IQGAP2: variants seen among roughly 807,000 people sequenced by gnomAD.
IQGAP2 encodes IQ motif containing GTPase activating protein 2, also known as ras GTPase-activating-like protein IQGAP2.
A neutral mutation model predicts 201.3 loss-of-function variants in IQGAP2; 173 were observed. The observed-to-expected ratio is 0.86, with a 90% confidence interval of 0.76 to 0.98. IQGAP2 has a LOEUF of 0.98. IQGAP2 is among the 50% of genes least tolerant of loss of function. The pLI, the probability that IQGAP2 is intolerant of heterozygous loss-of-function variation, is 0.00. For synonymous variants in IQGAP2, 675 were observed against 673.9 expected (o/e 1.00, Z -0.03); for missense variants, 1,687 against 1,864.8 (o/e 0.90, Z 1.76).
intron 3 of IQGAP2, among the ~76,000 whole-genome samples, chr5:76,566,529 G>A (rs2150262507): frequency 6.6e-6 from 1 of 152,256 alleles, no homozygotes; most frequent in Non-Finnish European, 1.5e-5. Context: ...AGCCATGCAG[G>A]CCCCATGGAG....
intron 1 of IQGAP2, among the ~76,000 whole-genome samples, chr5:76,455,994 C>T (rs892027083): frequency 6.6e-6 from 1 of 152,180 alleles, no homozygotes; most frequent in Non-Finnish European, 1.5e-5. Context: ...GGAAGGCAGG[C>T]TTTCCATAAA....
At chr5:76,425,631 T>C (rs374296764) in intron 1 of IQGAP2, among the ~76,000 whole-genome samples, 2 of 151,932 alleles carry the variant, frequency 1.3e-5, no homozygotes, top group African/African-American at 4.8e-5. Flanking sequence ...GTAAGTATTA[T>C]AAGCAAAAGA....
intron 8 of IQGAP2, among the ~76,000 whole-genome samples, chr5:76,590,990 G>A (rs186779716): frequency 5.3e-5 from 8 of 152,208 alleles, no homozygotes; most frequent in Admixed American, 1.3e-4. Flanking sequence ...CCAACTACTC[G>A]GGAGGCTGAG....
intron 4 of IQGAP2, among the ~76,000 whole-genome samples, chr5:76,575,479 C>T (rs1745408184): frequency 6.6e-6 from 1 of 152,152 alleles, no homozygotes; most frequent in South Asian, 2.1e-4. Flanking sequence ...CCCCACCATC[C>T]TCCTGTGGAC....
intron 2 of IQGAP2, among the ~76,000 whole-genome samples, chr5:76,494,379 ATGT>A (rs1756749596): frequency 6.6e-6 from 1 of 152,216 alleles, no homozygotes; most frequent in Non-Finnish European, 1.5e-5. Flanking sequence ...GAGGATAAAA[ATGT>A]TGTAACCAGA....
intron 2 of IQGAP2, among the ~76,000 whole-genome samples, chr5:76,520,909 A>G (rs192374251): frequency 3.3e-3 from 505 of 151,480 alleles, no homozygotes; most frequent in African/African-American, 0.011. Context: ...AGGTTTCACC[A>G]TGCTGGCCAG....
intron 2 of IQGAP2, among the ~76,000 whole-genome samples, chr5:76,533,329 C>T (rs1580396762): frequency 1.3e-5 from 2 of 152,190 alleles, no homozygotes; most frequent in South Asian, 4.2e-4. Context: ...TACTCACCGA[C>T]GGGGTCTCAG....
intron 2 of IQGAP2, among the ~76,000 whole-genome samples, chr5:76,496,756 T>TCTTTCTTTCTTTCTTTCTTTC (rs1756975131): frequency 1.3e-5 from 1 of 75,862 alleles, no homozygotes. Flanking sequence ...TTTCTTTCTT[T>TCTTTCTTTCTTTCTTTCTTTC]CTTTCTTTCT....
At position 76,572,849 on chromosome 5, in the gene IQGAP2, C is replaced by G. The variant is rs199780737; in HGVS notation, c.381+2192C>G. 3.2e-4 allele frequency among the ~76,000 whole-genome samples: 49 copies of G among 152,296 alleles called. No individual in the cohort carries two copies. In the East Asian group the frequency reaches 9.5e-3, roughly 29 times the overall value. On this transcript the variant is annotated intron_variant, in intron 4 of 35. Transcript: ENST00000274364. ...TGCCAGGTGTGCAGTGAAAAACACC[C>G]ACTGCCACAGAAACAGAAGATTCTT...
At chr5:76,649,956 T>G (rs1752382702) in intron 17 of IQGAP2, among the ~76,000 whole-genome samples, 1 of 152,230 alleles carries the variant, frequency 6.6e-6, no homozygotes. Context: ...GGCTTACAGC[T>G]TGCACCCTCT....
intron 2 of IQGAP2, among the ~76,000 whole-genome samples, chr5:76,511,280 C>T (rs1270083276): frequency 6.6e-6 from 1 of 152,178 alleles, no homozygotes; most frequent in Non-Finnish European, 1.5e-5. Flanking sequence ...ATCCTTTTGC[C>T]TTGCCCTCAT....
At chr5:76,572,419 C>T (rs1406248681) in intron 4 of IQGAP2, among the ~76,000 whole-genome samples, 1 of 152,010 alleles carries the variant, frequency 6.6e-6, no homozygotes, top group Non-Finnish European at 1.5e-5. Context: ...CCACCTCAGC[C>T]TCCCAAAGTT....
In IQGAP2 at chr5:76,592,122, C is replaced by T. The variant is rs1401683179; in HGVS notation, c.820-716C>T. 2.0e-5 allele frequency among the ~76,000 whole-genome samples: 3 copies of T among 152,164 alleles called. No homozygotes were observed. The East Asian group carries it at 5.8e-4, about 29-fold the overall frequency. On this transcript the variant is annotated intron_variant, in intron 8 of 35. Coordinates refer to ENST00000274364, the MANE Select transcript of IQGAP2 (RefSeq NM_006633.5). Reference sequence around the variant, plus strand: ...CCTCCTGTTACTCTCTAAGCCAATCCCTCTTAAAGCTAGAGGTTACAAAAC... The same window carrying T: ...CCTCCTGTTACTCTCTAAGCCAATCTCTCTTAAAGCTAGAGGTTACAAAAC...
Position 76,571,265 on chromosome 5 carries a change from A to G in IQGAP2, c.381+608A>G, listed in dbSNP as rs146889308. Among the ~76,000 whole-genome samples, 209 of 152,206 alleles carry G rather than the reference A, an allele frequency of 1.4e-3. 4 individuals carry two copies. The highest frequency in any genetic ancestry group is 0.013 in the Admixed American group (199 of 15,294). ...GCTTAATCTACCACCTCCGCCTCCCATGTTCAAGTGATTCTCCTATCTCTG... is the reference window on the plus strand; with the variant it reads ...GCTTAATCTACCACCTCCGCCTCCCGTGTTCAAGTGATTCTCCTATCTCTG... On this transcript the variant is annotated intron_variant, in intron 4 of 35. Coordinates refer to ENST00000274364, the MANE Select transcript of IQGAP2 (RefSeq NM_006633.5).
intron 2 of IQGAP2, among the ~76,000 whole-genome samples, chr5:76,461,936 TC>T: frequency 6.6e-6 from 1 of 152,302 alleles, no homozygotes; most frequent in Non-Finnish European, 1.5e-5. Context: ...CACATCACAC[TC>T]CTGTGCATAT....
chr5:76,484,450 T>G (rs1364434998), intron 2 of IQGAP2, among the ~76,000 whole-genome samples: 1 of 152,206 alleles, frequency 6.6e-6, no homozygotes, highest in East Asian at 1.9e-4. Flanking sequence ...TCCTCCTTTA[T>G]GGGGTGTTCC....
chr5:76,654,205 G>A lies in IQGAP2; in HGVS notation c.2184G>A (p.Gln728=). 3 of 1,606,396 alleles carry A rather than the reference G, an allele frequency of 1.9e-6. No homozygotes were observed. Among genetic ancestry groups the A allele is most frequent in the Non-Finnish European group, 2.6e-6 (3 of 1,175,378 alleles). The part of the protein sequence containing the change: ...IDNTDSIVKI[Q]SWFRMATARK... ...TATTTTTTAAAACCTTTCAGATTCA[G>A]TCCTGGTTCCGAATGGCAACTGCAA... The change falls in exon 19 of 36, where the codon CAG becomes CAA. Residue 728 remains glutamine, a synonymous_variant. Coordinates refer to ENST00000274364, the MANE Select transcript of IQGAP2 (RefSeq NM_006633.5).
chr5:76,466,069 G>A (rs932878008), intron 2 of IQGAP2, among the ~76,000 whole-genome samples: 17 of 152,070 alleles, frequency 1.1e-4, no homozygotes, highest in African/African-American at 4.1e-4. Context: ...AGGTCTGGTG[G>A]CTTGTGCTTA....
intron 31 of IQGAP2, among the ~76,000 whole-genome samples, chr5:76,694,950 T>C (rs1746590897): frequency 6.6e-6 from 1 of 152,248 alleles, no homozygotes; most frequent in Non-Finnish European, 1.5e-5. Flanking sequence ...TGCAAGTTTT[T>C]CAGAGTTGCT....
Sources: gnomAD v4.1 joint callset for allele counts (sites outside exome capture counted in the v4.1 genomes callset) on GRCh38, gnomAD v4.1.1 for gene constraint, MANE v1.5 for transcripts, NCBI Gene and HGNC (gene_info 2026-07-23, HGNC 2026-07-21) for gene names.